The following PTPRM variants were observed in gnomAD, a reference collection of about 807,000 sequenced individuals.
PTPRM encodes protein tyrosine phosphatase receptor type M, also known as receptor-type tyrosine-protein phosphatase mu.
PTPRM carries 47 observed loss-of-function variants against 186.7 expected under a neutral mutation model. The observed-to-expected ratio is 0.25, with a 90% CI of 0.20 to 0.32. The LOEUF is 0.32. PTPRM is among the 10% of genes least tolerant of loss of function. The pLI, the probability that PTPRM is intolerant of heterozygous loss-of-function variation, is 1.00. For synonymous variants in PTPRM, 668 were observed against 674.9 expected, an observed-to-expected ratio of 0.99 and a Z score of 0.16; for missense variants, 1,494 against 1,865.0, an observed-to-expected ratio of 0.80 and a Z score of 3.66.
At chr18:8,072,757 T>C (rs2089565978) in intron 8 of PTPRM, among the ~76,000 whole-genome samples, 1 of 152,178 alleles carries the variant, frequency 6.6e-6, no homozygotes, top group Admixed American at 6.5e-5. Context: ...TAGAATCCTA[T>C]ACAGCCCAGG....
chr18:8,007,879 G>A (rs1277783715), intron 7 of PTPRM, among the ~76,000 whole-genome samples: 1 of 152,190 alleles, frequency 6.6e-6, no homozygotes, highest in Admixed American at 6.5e-5. Flanking sequence ...TTATCTAATA[G>A]TTAAAAGACG....
At chr18:8,014,431 C>T (rs78021424) in intron 7 of PTPRM, among the ~76,000 whole-genome samples, 12,616 of 152,172 alleles carry the variant, frequency 0.083, 613 homozygotes, top group South Asian at 0.12. Flanking sequence ...TACATCCTTT[C>T]TGTCTCCATT....
chr18:8,177,283 TCAACA>T (rs1424425906), intron 14 of PTPRM, among the ~76,000 whole-genome samples: 1 of 152,224 alleles, frequency 6.6e-6, no homozygotes, highest in African/African-American at 2.4e-5. Context: ...GTTTATTCAT[TCAACA>T]CATTTTTTGA....
intron 2 of PTPRM, among the ~76,000 whole-genome samples, chr18:7,813,857 C>A (rs1351234247): frequency 6.6e-6 from 1 of 151,886 alleles, no homozygotes; most frequent in Non-Finnish European, 1.5e-5. Context: ...TATCCTTTCT[C>A]CTGTTTAGAC....
intron 14 of PTPRM, among the ~76,000 whole-genome samples, chr18:8,162,312 G>C (rs2093246973): frequency 6.6e-6 from 1 of 152,128 alleles, no homozygotes; most frequent in African/African-American, 2.4e-5. Flanking sequence ...TGTTAGCCAG[G>C]CTGGCCTTGA....
intron 15 of PTPRM, among the ~76,000 whole-genome samples, chr18:8,245,205 A>C (rs2094466337): frequency 6.6e-6 from 1 of 152,108 alleles, no homozygotes; most frequent in Non-Finnish European, 1.5e-5. Flanking sequence ...CAGTGTGGTC[A>C]ATGCACGTGC....
chr18:8,029,474 T>C (rs2085810997), intron 7 of PTPRM, among the ~76,000 whole-genome samples: 1 of 152,162 alleles, frequency 6.6e-6, no homozygotes, highest in African/African-American at 2.4e-5. Context: ...TCCTCATGCT[T>C]GCTTGGCCAC....
At chr18:7,574,968 C>T (rs2036651222) in intron 1 of PTPRM, among the ~76,000 whole-genome samples, 1 of 152,148 alleles carries the variant, frequency 6.6e-6, no homozygotes, top group Non-Finnish European at 1.5e-5. Context: ...GGAGGCGGAG[C>T]TTGCAGTGAG....
chr18:7,987,199 A>G (rs982557890), intron 7 of PTPRM, among the ~76,000 whole-genome samples: 1 of 152,172 alleles, frequency 6.6e-6, no homozygotes, highest in Non-Finnish European at 1.5e-5. Flanking sequence ...TACTGCCCAC[A>G]GTAGATCTCT....
At chr18:8,215,180 A>G (rs796466550) in intron 14 of PTPRM, among the ~76,000 whole-genome samples, 2 of 152,350 alleles carry the variant, frequency 1.3e-5, no homozygotes, top group African/African-American at 4.8e-5. Flanking sequence ...GACCTGTGAG[A>G]ACCCGAAAAT....
At chr18:8,089,739 G>A (rs975583729) in intron 11 of PTPRM, among the ~76,000 whole-genome samples, 2 of 152,008 alleles carry the variant, frequency 1.3e-5, no homozygotes, top group African/African-American at 4.8e-5. Context: ...TTTGACACCT[G>A]GCTATATTTG....
At chr18:7,580,328 A>G (rs866353022) in intron 1 of PTPRM, among the ~76,000 whole-genome samples, 1 of 152,186 alleles carries the variant, frequency 6.6e-6, no homozygotes, top group Non-Finnish European at 1.5e-5. Flanking sequence ...GTTGCTTGCT[A>G]ACAAGAAGTG....
At chr18:8,263,115 CT>C (rs940432535) in intron 19 of PTPRM, among the ~76,000 whole-genome samples, 13 of 149,620 alleles carry the variant, frequency 8.7e-5, no homozygotes, top group Admixed American at 6.0e-4. Flanking sequence ...TGAGGATAGA[CT>C]TTTTTTTTTC....
At chr18:7,587,803 A>G (rs911526552) in intron 1 of PTPRM, among the ~76,000 whole-genome samples, 2 of 152,184 alleles carry the variant, frequency 1.3e-5, no homozygotes, top group African/African-American at 4.8e-5. Context: ...AGGCTAATCA[A>G]TAAGTGAACA....
intron 14 of PTPRM, among the ~76,000 whole-genome samples, chr18:8,221,272 G>T (rs9956156): frequency 0.55 from 84,049 of 151,982 alleles, 23,845 homozygotes; most frequent in East Asian, 0.77. Flanking sequence ...GTCGCTGTGG[G>T]GGTTGGTTTC....
chr18:8,170,867 T>A (rs1016288753), intron 14 of PTPRM, among the ~76,000 whole-genome samples: 2 of 152,246 alleles, frequency 1.3e-5, no homozygotes, highest in African/African-American at 4.8e-5. Flanking sequence ...TGGTATAGAC[T>A]GACCACTGAT....
At chr18:7,864,184 G>GCAA (rs2047545917) in intron 2 of PTPRM, among the ~76,000 whole-genome samples, 1 of 152,192 alleles carries the variant, frequency 6.6e-6, no homozygotes, top group Non-Finnish European at 1.5e-5. Flanking sequence ...TTGCTGCGCA[G>GCAA]AAGCTCTTTA....
At chr18:8,343,709 G>C (rs541961104) in intron 23 of PTPRM, among the ~76,000 whole-genome samples, 189 bp downstream of exon 23, 43 of 152,298 alleles carry the variant, frequency 2.8e-4, no homozygotes, top group African/African-American at 1.0e-3. Context: ...GCTTTCATTT[G>C]TTGCGATAGC....
chr18:7,573,790 A>G (rs2036620032), intron 1 of PTPRM, among the ~76,000 whole-genome samples: 1 of 151,824 alleles, frequency 6.6e-6, no homozygotes, highest in South Asian at 2.1e-4. Context: ...GGGTTTCACC[A>G]TGTTGGCCAT....
Sources: allele counts gnomAD v4.1 joint callset (sites outside exome capture counted in the v4.1 genomes callset), GRCh38; gene constraint gnomAD v4.1.1; transcripts MANE v1.5; gene names NCBI Gene and HGNC (gene_info 2026-07-23, HGNC 2026-07-21).